The following PIK3C2G variants were observed in gnomAD, a reference collection of about 807,000 sequenced individuals.
PIK3C2G encodes the protein phosphatidylinositol 3-kinase C2 domain-containing subunit gamma.
A neutral mutation model predicts 181.1 loss-of-function variants in PIK3C2G; 168 were observed. The ratio of observed to expected loss-of-function variants is 0.93; its 90% confidence interval spans 0.82 to 1.05. The LOEUF is 1.05. PIK3C2G is among the 50% of genes least tolerant of loss of function. PIK3C2G has a pLI of 0.00. For synonymous variants in PIK3C2G, 573 were observed against 592.2 expected (o/e 0.97, Z 0.47); for missense variants, 1,869 against 1,732.8 (o/e 1.08, Z -1.40).
chr12:18,463,276 C>T (rs981417954), intron 18 of PIK3C2G, among the ~76,000 whole-genome samples: 4 of 152,112 alleles, frequency 2.6e-5, no homozygotes, highest in Admixed American at 6.6e-5. Flanking sequence ...TATAGTAGAG[C>T]TTACCAATTT....
At position 18,574,238 on chromosome 12, in the gene PIK3C2G, A is replaced by G. The variant is rs144348703; in HGVS notation, c.4011+7181A>G. Reference sequence around the variant, plus strand: ...AACATTATCCTTAAAAGTAAAGAGTACAAGGCCTTTTGGATTTTTTGCGTT... The same window carrying G: ...AACATTATCCTTAAAAGTAAAGAGTGCAAGGCCTTTTGGATTTTTTGCGTT... On this transcript the variant is annotated intron_variant, in intron 29 of 32. Transcript: ENST00000538779. Among the ~76,000 whole-genome samples the G allele has an allele frequency of 9.1e-3, 1,379 of 152,314 alleles. 6 individuals are homozygous for G. The highest frequency in any genetic ancestry group is 0.019 in the African/African-American group (778 of 41,580).
At chr12:18,303,416 C>A (rs1400033237) in intron 5 of PIK3C2G, among the ~76,000 whole-genome samples, 1 of 151,986 alleles carries the variant, frequency 6.6e-6, no homozygotes, top group Non-Finnish European at 1.5e-5. Context: ...CTCACCGCAA[C>A]CCCAGCCTCC....
chr12:18,333,498 C>T (rs998682069), intron 8 of PIK3C2G, among the ~76,000 whole-genome samples: 5 of 152,026 alleles, frequency 3.3e-5, no homozygotes, highest in African/African-American at 1.2e-4. Context: ...CCTGTGTTCC[C>T]GTTGTTCAAC....
intron 18 of PIK3C2G, among the ~76,000 whole-genome samples, chr12:18,469,665 C>T (rs889071702): frequency 6.6e-6 from 1 of 151,862 alleles, no homozygotes; most frequent in Non-Finnish European, 1.5e-5. Flanking sequence ...TTCTCTCTCC[C>T]CTCCACTTCT....
Position 18,569,783 on chromosome 12 carries a change from G to A in PIK3C2G, c.4011+2726G>A, listed in dbSNP as rs181112976. Among the ~76,000 whole-genome samples the A allele has an allele frequency of 3.1e-4, 47 of 152,222 alleles. No individual in the cohort carries two copies. In the East Asian group the frequency reaches 5.4e-3, roughly 18 times the overall value. On this transcript the variant is annotated intron_variant, in intron 29 of 32. Transcript: ENST00000538779. ...ATTTGGGCCATTCTGGTTGGTGTGC[G>A]TCTCATTGAACTCTTAGCTTGCATT...
intron 1 of PIK3C2G, among the ~76,000 whole-genome samples, chr12:18,273,808 T>A (rs1948851961): frequency 6.6e-6 from 1 of 151,994 alleles, no homozygotes; most frequent in African/African-American, 2.4e-5. Flanking sequence ...AAAAATGGGA[T>A]CTAATTAAAC....
intron 31 of PIK3C2G, among the ~76,000 whole-genome samples, chr12:18,610,993 T>C (rs1948302447): frequency 6.6e-6 from 1 of 152,112 alleles, no homozygotes; most frequent in East Asian, 1.9e-4. Flanking sequence ...TTGGTGATAT[T>C]ACTCAATGGT....
chr12:18,497,610 T>C lies in PIK3C2G; in HGVS notation c.2887-9T>C, dbSNP rs942599348. 1.9e-6 allele frequency: 3 copies of C among 1,609,300 alleles called. No homozygotes were observed. Among genetic ancestry groups the C allele is most frequent in the African/African-American group, 1.3e-5 (1 of 74,872 alleles). On this transcript the variant is annotated splice_polypyrimidine_tract_variant and intron_variant, in intron 21 of 32. Transcript: ENST00000538779. ...AAAAACCCAGGGTCTATAATTTTGT[T>C]TTTAACAGGCTGGAGATGATCTTCG...
intron 24 of PIK3C2G, among the ~76,000 whole-genome samples, chr12:18,528,583 C>T (rs1943373066): frequency 2.6e-5 from 4 of 152,128 alleles, no homozygotes; most frequent in Admixed American, 1.3e-4. Context: ...TTATCAGTTG[C>T]TCAAATAAAA....
chr12:18,354,079 G>T (rs1940481435), intron 11 of PIK3C2G, among the ~76,000 whole-genome samples: 1 of 152,218 alleles, frequency 6.6e-6, no homozygotes, highest in African/African-American at 2.4e-5. Flanking sequence ...CACTTGCAGA[G>T]CAGTCTGCTT....
At chr12:18,511,653 T>C (rs1942214818) in intron 24 of PIK3C2G, among the ~76,000 whole-genome samples, 1 of 152,122 alleles carries the variant, frequency 6.6e-6, no homozygotes, top group South Asian at 2.1e-4. Context: ...TTGCTTATTT[T>C]TTTAATGTTT....
chr12:18,419,069 G>T (rs1025161692), intron 16 of PIK3C2G, among the ~76,000 whole-genome samples: 3 of 152,170 alleles, frequency 2.0e-5, no homozygotes, highest in Non-Finnish European at 4.4e-5. Flanking sequence ...ACGACAATGA[G>T]TTCAGGTTGA....
intron 24 of PIK3C2G, among the ~76,000 whole-genome samples, chr12:18,525,797 G>C (rs1279934096): frequency 4.6e-5 from 7 of 152,190 alleles, no homozygotes; most frequent in African/African-American, 1.7e-4. Context: ...CCACTTTAAA[G>C]ACATAGAAAA....
At chr12:18,641,588 ATAT>A (rs1308162305) in intron 32 of PIK3C2G, among the ~76,000 whole-genome samples, 8 of 151,798 alleles carry the variant, frequency 5.3e-5, no homozygotes, top group Admixed American at 3.3e-4. Context: ...TTCTCTTAAA[ATAT>A]TATTGTTTAC....
At chr12:18,584,859 A>G (rs1338389685) in intron 29 of PIK3C2G, among the ~76,000 whole-genome samples, 1 of 152,200 alleles carries the variant, frequency 6.6e-6, no homozygotes, top group African/African-American at 2.4e-5. Context: ...CAGGAAATCT[A>G]TAAGCCAGAA....
the PIK3C2G span, among the ~76,000 whole-genome samples, chr12:18,690,879 T>C: frequency 2.6e-5 from 4 of 152,062 alleles, no homozygotes; most frequent in African/African-American, 9.7e-5. Context: ...TGGTGAGAGA[T>C]AGGGCTAGGC....
chr12:18,491,017 T>C (rs1940518546), intron 19 of PIK3C2G, among the ~76,000 whole-genome samples: 1 of 152,166 alleles, frequency 6.6e-6, no homozygotes, highest in Non-Finnish European at 1.5e-5. Context: ...AATTTTTTTT[T>C]GTAAAATGCA....
At chr12:18,508,503 A>G (rs1941989817) in intron 24 of PIK3C2G, among the ~76,000 whole-genome samples, 1 of 152,178 alleles carries the variant, frequency 6.6e-6, no homozygotes, top group African/African-American at 2.4e-5. Context: ...TCCTATAAGT[A>G]GGACCTTTGT....
At chr12:18,265,313 A>G (rs917363247) in intron 1 of PIK3C2G, among the ~76,000 whole-genome samples, 3 of 152,214 alleles carry the variant, frequency 2.0e-5, no homozygotes. Context: ...AATCATGAAT[A>G]AATACAAAAT....
Sources: allele counts gnomAD v4.1 joint callset (sites outside exome capture counted in the v4.1 genomes callset), GRCh38; gene constraint gnomAD v4.1.1; transcripts MANE v1.5; gene names NCBI Gene and HGNC (gene_info 2026-07-23, HGNC 2026-07-21).